The following CHEK1 variants were observed in gnomAD, a reference collection of about 807,000 sequenced individuals.
The protein encoded by CHEK1 is checkpoint kinase 1, also known as serine/threonine-protein kinase Chk1.
In CHEK1, 32 loss-of-function variants were observed where a neutral mutation model predicts 60.2. The ratio of observed to expected loss-of-function variants is 0.53; its 90% CI spans 0.40 to 0.71. CHEK1 has a LOEUF of 0.71. Ranked by LOEUF, CHEK1 falls within the 30% of genes least tolerant of loss-of-function variation. The probability of loss-of-function intolerance (pLI) is 0.00; values close to 1 mark genes in which losing one functional copy is unlikely to be tolerated. For missense variants in CHEK1, 399 were observed against 564.6 expected (o/e 0.71, Z 2.97); for synonymous variants, 179 against 187.2 (o/e 0.96, Z 0.36).
At chr11:125,640,162 T>G (rs1941228918) in intron 8 of CHEK1, among the ~76,000 whole-genome samples, 1 of 152,218 alleles carries the variant, frequency 6.6e-6, no homozygotes, top group South Asian at 2.1e-4. Flanking sequence ...TGGAACGTGT[T>G]GCCAAGTTCA....
At chr11:125,649,920 TTCTGATGAGAAA>T (rs1260848630) in intron 11 of CHEK1, 2 of 152,186 alleles carry the variant, frequency 1.3e-5, no homozygotes, top group Admixed American at 1.3e-4. Flanking sequence ...CCTTTGTGGT[TTCTGATGAGAAA>T]TCAGCTGTTA....
downstream of CHEK1, among the ~76,000 whole-genome samples, chr11:125,677,387 C>T (rs1942561826): frequency 6.6e-6 from 1 of 152,198 alleles, no homozygotes; most frequent in Admixed American, 6.5e-5. Flanking sequence ...GCACACATCT[C>T]TTTACAGAAT....
chr11:125,645,079 TCTTTA>T (rs775904796), intron 11 of CHEK1, among the ~76,000 whole-genome samples: 14 of 152,196 alleles, frequency 9.2e-5, no homozygotes, highest in Non-Finnish European at 1.9e-4. Flanking sequence ...AGTAAAATGT[TCTTTA>T]CTTTAAGAAA....
intron 13 of CHEK1, among the ~76,000 whole-genome samples, chr11:125,669,945 T>C (rs1407886962): frequency 6.6e-6 from 1 of 152,254 alleles, no homozygotes; most frequent in Non-Finnish European, 1.5e-5. Context: ...TAAATGTCTT[T>C]TTCTGTCTCA....
At chr11:125,629,504 T>A in intron 5 of CHEK1, 44 bp downstream of exon 5, 1 of 1,334,378 alleles carries the variant, frequency 7.5e-7, no homozygotes, top group Non-Finnish European at 1.0e-6. Flanking sequence ...AATAAAATAA[T>A]TACCTAAATT....
chr11:125,634,962 GTT>G (rs35745732), intron 6 of CHEK1, among the ~76,000 whole-genome samples: 2 of 145,808 alleles, frequency 1.4e-5, no homozygotes, highest in African/African-American at 2.5e-5. Context: ...CTGTTTTTTG[GTT>G]TTTTTTTTTT....
At chr11:125,639,828 C>T (rs1038092644) in intron 8 of CHEK1, among the ~76,000 whole-genome samples, 1 of 152,286 alleles carries the variant, frequency 6.6e-6, no homozygotes, top group African/African-American at 2.4e-5. Context: ...CTCTTTCATC[C>T]TGTATTGCTG....
downstream of CHEK1, chr11:125,677,994 G>C: frequency 6.2e-7 from 1 of 1,613,622 alleles, no homozygotes. Context: ...TTCACCTGAA[G>C]GCTGTTCTCC....
chr11:125,625,617 C>T lies in CHEK1; in HGVS notation c.-416C>T, dbSNP rs1940551344. ...GAGCGGCCAGGAGCGAAGCCCGCAG[C>T]CCCGCCTGGAAGCGCAGCGCGGTCG... is the stretch of plus-strand genomic sequence containing the variant. On this transcript the variant is annotated 5_prime_UTR_variant, in exon 1 of 13. Coordinates refer to ENST00000438015, the MANE Select transcript of CHEK1 (RefSeq NM_001114122.3). 5.0e-6 allele frequency: 3 copies of T among 596,354 alleles called. No individual in the cohort carries two copies. The highest frequency in any genetic ancestry group is 2.8e-5 in the East Asian group (1 of 36,186). The allele number at this position is 596,354 out of a possible 1,614,324, so 36.9% of individuals were successfully genotyped here.
At chr11:125,658,800 C>T (rs538161111), downstream of CHEK1, among the ~76,000 whole-genome samples, 1 of 150,544 alleles carries the variant, frequency 6.6e-6, no homozygotes, top group East Asian at 2.0e-4. Flanking sequence ...AGTGATCCTT[C>T]CACCTCAGCC....
At chr11:125,650,644 G>A (rs1178068373) in intron 11 of CHEK1, among the ~76,000 whole-genome samples, 3 of 151,818 alleles carry the variant, frequency 2.0e-5, no homozygotes, top group Non-Finnish European at 4.4e-5. Flanking sequence ...ATTAGAGATG[G>A]GGTTTCATCA....
At chr11:125,677,860 G>T, downstream of CHEK1, 1 of 1,613,816 alleles carries the variant, frequency 6.2e-7, no homozygotes. Context: ...TCACCTGAAG[G>T]CTGTTCACCC....
chr11:125,663,230 A>G (rs1403743086), intron 13 of CHEK1, among the ~76,000 whole-genome samples: 1 of 151,722 alleles, frequency 6.6e-6, no homozygotes, highest in African/African-American at 2.4e-5. Flanking sequence ...TTTCAATGAA[A>G]TCCAGTTTAC....
At chr11:125,627,573 A>C in intron 2 of CHEK1, 34 bp from the exon 3 acceptor site, 1 of 1,532,130 alleles carries the variant, frequency 6.5e-7, no homozygotes, top group Non-Finnish European at 8.9e-7. Context: ...GAAGAAATGG[A>C]ATTCTGTAAT....
rs1215510847 is a variant in CHEK1 at position 125,653,695 on chromosome 11, A to G, written c.1234-51A>G. ...TTCTGTTCTTCATAGTGGGTTTACT[A>G]GTTTATTATCTACTCACCCATGTGG... On this transcript the variant is annotated intron_variant, in intron 11 of 12. Transcript: ENST00000438015. The surrounding 1 kb of genome is among the most constrained non-coding windows in gnomAD (Gnocchi z 4.3). 1 of 846,476 alleles carries G rather than the reference A, an allele frequency of 1.2e-6. No homozygotes were observed. The highest frequency in any genetic ancestry group is 2.6e-5 in the East Asian group (1 of 38,786). The allele number at this position is 846,476 out of a possible 1,614,324, so 52.4% of individuals were successfully genotyped here. A position where few individuals can be genotyped will look rare whatever the true frequency, so the allele number is the denominator to read the frequency against.
chr11:125,625,302 C>T lies in CHEK1; in HGVS notation c.-731C>T, dbSNP rs893362749. 4.5e-6 allele frequency: 1 copy of T among 223,386 alleles called. No homozygotes were observed. Among genetic ancestry groups the T allele is most frequent in the Non-Finnish European group, 8.8e-6 (1 of 114,200 alleles). 13.8% of individuals were successfully genotyped at this position (223,386 alleles called of 1,614,324 possible). A position where few individuals can be genotyped will look rare whatever the true frequency, so the allele number is the denominator to read the frequency against. On this transcript the variant is annotated 5_prime_UTR_variant, in exon 1 of 13. Transcript: ENST00000438015. ...GCTGGTTCACAGAAAAAAGGCAAAA[C>T]TGGTTATCCTGACTTCAAGCTCCAA... is the stretch of plus-strand genomic sequence containing the variant.
downstream of CHEK1, among the ~76,000 whole-genome samples, chr11:125,680,454 C>G (rs1218109246): frequency 6.6e-6 from 1 of 152,186 alleles, no homozygotes; most frequent in Admixed American, 6.5e-5. Flanking sequence ...CCTAAGCCTA[C>G]TTTTTCATCT....
rs769316145 is a variant in CHEK1, at chr11:125,644,217, T to G, written c.1050T>G (p.Pro350=). ...QGISFSQPTC[P]DHMLLNSQLL... ...TCAGCTTTTCCCAGCCCACATGTCCTGATCATATGCTTTTGAATAGTCAGT... is the reference window on the plus strand; with the variant it reads ...TCAGCTTTTCCCAGCCCACATGTCCGGATCATATGCTTTTGAATAGTCAGT... The change falls in exon 10 of 13, where the codon CCT becomes CCG. Residue 350 remains proline (P), a synonymous_variant. Transcript: ENST00000438015. 1 of 1,614,190 alleles carries G rather than the reference T, an allele frequency of 6.2e-7. No homozygotes were observed. Among genetic ancestry groups the G allele is most frequent in the Non-Finnish European group, 8.5e-7 (1 of 1,180,036 alleles).
intron 8 of CHEK1, among the ~76,000 whole-genome samples, chr11:125,640,209 A>C (rs1941232116): frequency 6.6e-6 from 1 of 152,198 alleles, no homozygotes; most frequent in Admixed American, 6.5e-5. Context: ...AGGTCTGAAA[A>C]GATTAAATGG....
Sources: gnomAD v4.1 joint callset for allele counts (sites outside exome capture counted in the v4.1 genomes callset) on GRCh38, gnomAD v4.1.1 for gene constraint, Gnocchi (gnomAD v3.1) non-coding constraint, MANE v1.5 for transcripts, NCBI Gene and HGNC (gene_info 2026-07-23, HGNC 2026-07-21) for gene names.